The following ELF4 variants were observed in gnomAD, a reference collection of about 807,000 sequenced individuals.
ELF4 encodes the protein ETS-related transcription factor Elf-4.
Under a neutral mutation model 31.7 loss-of-function variants are expected in ELF4, and 10 were observed. That is an observed-to-expected ratio of 0.32 (90% CI 0.19 to 0.54). The LOEUF (loss-of-function observed/expected upper bound fraction) is 0.54. Among genes scored for constraint, ELF4 ranks in the 20% least tolerant of loss-of-function variants. The pLI is 0.95. For synonymous variants in ELF4, 208 were observed against 226.7 expected, an observed-to-expected ratio of 0.92 and a Z score of 0.74; for missense variants, 418 against 522.0, an observed-to-expected ratio of 0.80 and a Z score of 1.94.
chrX:130,106,240 C>T (rs180731479), intron 1 of ELF4, among the ~76,000 whole-genome samples: 1 of 109,029 alleles, frequency 9.2e-6, no homozygotes, highest in African/African-American at 3.3e-5. Flanking sequence ...CAGTCCCAGC[C>T]GTGCTGGCCT....
intron 1 of ELF4, among the ~76,000 whole-genome samples, chrX:130,100,394 G>T (rs745789077): frequency 9.0e-6 from 1 of 111,375 alleles, no homozygotes; most frequent in Non-Finnish European, 1.9e-5. Context: ...GTTTCCAAAG[G>T]TCCTTCACAG....
intron 8 of ELF4, among the ~76,000 whole-genome samples, chrX:130,068,137 G>A (rs986884568): frequency 8.9e-6 from 1 of 112,032 alleles, no homozygotes; most frequent in East Asian, 2.8e-4. Flanking sequence ...TAAGTACTTA[G>A]AATAGGTATA....
intron 1 of ELF4, among the ~76,000 whole-genome samples, chrX:130,108,039 T>A (rs1017685338): frequency 3.1e-4 from 35 of 111,540 alleles, no homozygotes; most frequent in Non-Finnish European, 2.8e-4. Context: ...AGAAACCCCG[T>A]CTCTACCAAA....
At chrX:130,071,019 C>T (rs1414121276) in intron 7 of ELF4, 21 bp downstream of exon 7, 2 of 1,211,300 alleles carry the variant, frequency 1.7e-6, no homozygotes, top group Non-Finnish European at 2.2e-6. Context: ...AGGGGTTCTG[C>T]ATCATCCCAA....
chrX:130,090,201 G>T (rs1444769888), intron 1 of ELF4, among the ~76,000 whole-genome samples: 2 of 110,076 alleles, frequency 1.8e-5, no homozygotes, highest in Non-Finnish European at 3.8e-5. Context: ...GTGAAGCCTT[G>T]TCTATAATAA....
At chrX:130,074,202 G>A (rs781143547) in intron 3 of ELF4, 61 bp from the exon 4 acceptor site, 16 of 1,114,894 alleles carry the variant, frequency 1.4e-5, no homozygotes, top group South Asian at 1.1e-4. Flanking sequence ...CAAGGCAGGG[G>A]GTACAGCTAT....
intron 1 of ELF4, among the ~76,000 whole-genome samples, chrX:130,091,617 C>T (rs1933058234): frequency 9.0e-6 from 1 of 111,352 alleles, no homozygotes; most frequent in African/African-American, 3.3e-5. Context: ...AAGAATGTCA[C>T]AGAGCACTTG....
intron 4 of ELF4, among the ~76,000 whole-genome samples, chrX:130,073,089 T>TTTTA (rs767768482): frequency 4.5e-5 from 5 of 111,678 alleles, no homozygotes; most frequent in African/African-American, 9.8e-5. Flanking sequence ...TATTTCTTTA[T>TTTTA]TTTATTTATT....
rs1473626664 is a variant in ELF4, at chrX:130,065,560, A to G, written c.*1161T>C. The G allele has an allele frequency of 1.7e-5, 3 of 174,868 alleles. No homozygotes were observed. The highest frequency in any genetic ancestry group is 3.3e-5 in the Non-Finnish European group (3 of 91,587). The allele number at this position is 174,868 out of a possible 1,213,427, so 14.4% of individuals were successfully genotyped here. On this transcript the variant is annotated 3_prime_UTR_variant, in exon 9 of 9. Coordinates refer to ENST00000308167, the MANE Select transcript of ELF4 (RefSeq NM_001421.4). ...GTGAGTTGCAGGCAGGCTGAGCAGCAGAAACCATGTGGTAGGTGCCCATGC... is the reference window on the plus strand; with the variant it reads ...GTGAGTTGCAGGCAGGCTGAGCAGCGGAAACCATGTGGTAGGTGCCCATGC...
intron 2 of ELF4, 149 bp downstream of exon 2, chrX:130,081,107 G>C: frequency 1.4e-6 from 1 of 715,709 alleles, no homozygotes; most frequent in Non-Finnish European, 2.2e-6. Context: ...GGCAAGCAGG[G>C]CCAGTGCCCT....
chrX:130,072,997 C>A (rs764461394), intron 4 of ELF4, among the ~76,000 whole-genome samples: 15 of 112,382 alleles, frequency 1.3e-4, no homozygotes, highest in African/African-American at 4.2e-4. Flanking sequence ...TCCTGTGCAT[C>A]TGCCTGAGGG....
rs1442472070 is a variant in ELF4 at position 130,065,313 on chromosome X, G to T, written c.*1408C>A. On this transcript the variant is annotated 3_prime_UTR_variant, in exon 9 of 9. Transcript: ENST00000308167. Reference sequence around the variant, plus strand: ...GGAGATCCAGGCAATTGGCCTAGGGGTTGGCTTTGAGAGAGAATAGGTTGA... The same window carrying T: ...GGAGATCCAGGCAATTGGCCTAGGGTTTGGCTTTGAGAGAGAATAGGTTGA... 5.7e-6 allele frequency: 1 copy of T among 174,228 alleles called. No homozygotes were observed. The highest frequency in any genetic ancestry group is 3.0e-5 in the African/African-American group (1 of 33,895). The allele number at this position is 174,228 out of a possible 1,213,427, so 14.4% of individuals were successfully genotyped here. A position where few individuals can be genotyped will look rare whatever the true frequency, so the allele number is the denominator to read the frequency against.
intron 8 of ELF4, among the ~76,000 whole-genome samples, 160 bp from the exon 9 acceptor site, chrX:130,067,685 G>C (rs983569859): frequency 8.9e-6 from 1 of 111,925 alleles, no homozygotes; most frequent in Non-Finnish European, 1.9e-5. Flanking sequence ...TCTGCTGCCC[G>C]GGATGGAGTG....
Position 130,072,397 on chromosome X carries a change from G to A in ELF4, c.361C>T (p.Pro121Ser). Residue 121 changes from proline to serine, a missense_variant, in exon 5 of 9, where the codon CCA becomes TCA. Around this residue, in one of 4 missense-constraint regions of ELF4, gnomAD observed 88 missense variants for 92.4 expected, o/e 0.95. Coordinates refer to ENST00000308167, the MANE Select transcript of ELF4 (RefSeq NM_001421.4). ...KQIFSTSEML[P>S]DSDPAPAVTL... ...ACAGCTGGTGCAGGGTCCGAGTCTG[G>A]AAGCATTTCGGAGGTACTGACTGCA... 8.2e-7 allele frequency: 1 copy of A among 1,212,152 alleles called. No homozygotes were observed. Among genetic ancestry groups the A allele is most frequent in the Non-Finnish European group, 1.1e-6 (1 of 895,581 alleles).
At chrX:130,073,942 A>G (rs1022744774) in intron 4 of ELF4, 107 bp downstream of exon 4, 46 of 810,730 alleles carry the variant, frequency 5.7e-5, no homozygotes, top group Non-Finnish European at 8.4e-5. Context: ...GGTGTGGTGC[A>G]TGTATACCTG....
At position 130,066,326 on chromosome X, in the gene ELF4, C is replaced by G. The variant is rs3788845; in HGVS notation, c.*395G>C. On this transcript the variant is annotated 3_prime_UTR_variant, in exon 9 of 9. Transcript: ENST00000308167. ...ACCAACAAGTACACACAAGTACATA[C>G]AGGGATATTCACATATAGGGTAGTA... 55,760 of 232,197 alleles carry G rather than the reference C, an allele frequency of 0.24. 5,222 individuals carry two copies. The highest frequency in any genetic ancestry group is 0.44 in the South Asian group (3,310 of 7,582). The allele number at this position is 232,197 out of a possible 1,213,427, so 19.1% of individuals were successfully genotyped here.
chrX:130,084,654 G>A (rs1932935552), intron 1 of ELF4, among the ~76,000 whole-genome samples: 1 of 111,619 alleles, frequency 9.0e-6, no homozygotes, highest in Non-Finnish European at 1.9e-5. Context: ...TGAAGGGGTG[G>A]AGGGGGAGGA....
intron 1 of ELF4, among the ~76,000 whole-genome samples, chrX:130,094,943 G>A (rs1252704741): frequency 9.0e-6 from 1 of 111,565 alleles, no homozygotes; most frequent in African/African-American, 3.3e-5. Context: ...CACTTGTGGG[G>A]TTGGCAGTGA....
In ELF4 at chrX:130,108,026, C is replaced by T. The variant is rs987188100; in HGVS notation, c.-210+2299G>A. Among the ~76,000 whole-genome samples the T allele has an allele frequency of 5.4e-5, 6 of 111,734 alleles. No individual in the cohort carries two copies. In the East Asian group the frequency reaches 1.1e-3, roughly 21 times the overall value. On this transcript the variant is annotated intron_variant, in intron 1 of 8. Transcript: ENST00000308167. ...GAGTTCGAGGCCAGCCTGACCAACA[C>T]GGAGAAACCCCGTCTCTACCAAAAA...
Sources: gnomAD v4.1 joint callset for allele counts (sites outside exome capture counted in the v4.1 genomes callset) on GRCh38, gnomAD v4.1.1 for gene constraint, gnomAD v4.1.1 regional missense constraint, MANE v1.5 for transcripts, NCBI Gene and HGNC (gene_info 2026-07-23, HGNC 2026-07-21) for gene names.